The following NCMAP variants were observed in gnomAD, a reference collection of about 807,000 sequenced individuals.
NCMAP encodes non-compact myelin associated protein, also known as noncompact myelin-associated protein.
NCMAP carries 8 observed loss-of-function variants against 7.8 expected under a neutral mutation model. The ratio of observed to expected loss-of-function variants is 1.02; its 90% CI spans 0.60 to 1.84. NCMAP has a LOEUF of 1.84. Among genes scored for constraint, NCMAP ranks in the 40% most tolerant of loss-of-function variants. NCMAP has a pLI of 0.00. For missense variants in NCMAP, 112 were observed against 131.4 expected, an observed-to-expected ratio of 0.85 and a Z score of 0.72; for synonymous variants, 41 against 52.9, an observed-to-expected ratio of 0.78 and a Z score of 0.98.
At chr1:24,559,540 C>T (rs1455147750) in intron 1 of NCMAP, among the ~76,000 whole-genome samples, 1 of 152,162 alleles carries the variant, frequency 6.6e-6, no homozygotes, top group Non-Finnish European at 1.5e-5. Flanking sequence ...GTTTGAAATT[C>T]CCCGAGGTAG....
intron 1 of NCMAP, among the ~76,000 whole-genome samples, chr1:24,586,965 G>A (rs1417871012): frequency 1.3e-5 from 2 of 152,116 alleles, no homozygotes; most frequent in Non-Finnish European, 2.9e-5. Context: ...GCTGAGTATA[G>A]GACATGCTTC....
chr1:24,598,748 G>A (rs960627838), intron 2 of NCMAP, among the ~76,000 whole-genome samples: 5 of 150,822 alleles, frequency 3.3e-5, no homozygotes, highest in African/African-American at 7.3e-5. Flanking sequence ...AGCGATTCTC[G>A]TGCCTCAGCC....
At chr1:24,577,409 T>TTGTTG (rs1557596538) in intron 1 of NCMAP, among the ~76,000 whole-genome samples, 1 of 143,300 alleles carries the variant, frequency 7.0e-6, no homozygotes, top group African/African-American at 2.6e-5. Context: ...TTGTTTTTTT[T>TTGTTG]TTTTTTTTTT....
intron 2 of NCMAP, among the ~76,000 whole-genome samples, chr1:24,597,243 C>T (rs965623852): frequency 1.7e-4 from 26 of 151,784 alleles, no homozygotes; most frequent in Non-Finnish European, 2.2e-4. Flanking sequence ...CAGTGGCCCA[C>T]GCCTGTAATC....
At chr1:24,570,651 C>T (rs565955877) in intron 1 of NCMAP, among the ~76,000 whole-genome samples, 1 of 151,006 alleles carries the variant, frequency 6.6e-6, no homozygotes, top group African/African-American at 2.5e-5. Context: ...ATTCAAATTC[C>T]ACTGCTCCAG....
intron 1 of NCMAP, among the ~76,000 whole-genome samples, chr1:24,579,120 T>G (rs1359400191): frequency 1.3e-5 from 2 of 152,014 alleles, no homozygotes; most frequent in Admixed American, 6.6e-5. Context: ...GCCCTTCTCT[T>G]GCTTCACCCC....
intron 2 of NCMAP, 45 bp from the exon 3 acceptor site, chr1:24,600,895 G>C: frequency 1.9e-6 from 3 of 1,579,540 alleles, no homozygotes; most frequent in Non-Finnish European, 2.6e-6. Flanking sequence ...CCTGGTCTGC[G>C]TTCAGTTTGC....
rs1223239780 is a variant in NCMAP, at chr1:24,597,611, A to AAG, written c.82+2101_82+2102dup. ...AGAAGAAAGAAGAAAGAAAGAAAGA[A>AAG]AGAAAGAGAAAGAAAGAAAGAAAGA... On this transcript the variant is annotated intron_variant, in intron 2 of 3. Coordinates refer to ENST00000374392, the MANE Select transcript of NCMAP (RefSeq NM_001010980.5). Among the ~76,000 whole-genome samples the AAG allele has an allele frequency of 2.5e-3, 226 of 90,146 alleles. 2 individuals are homozygous for AAG. The highest frequency in any genetic ancestry group is 0.011 in the African/African-American group (194 of 17,748). The allele number at this position is 90,146 out of a possible 152,430, so 59.1% of individuals were successfully genotyped here.
At position 24,582,198 on chromosome 1, in the gene NCMAP, C is replaced by T. The variant is rs78752878; in HGVS notation, c.-7-13226C>T. ...ACATCGGATCCACCTCAGTGCCTCC[C>T]GTGGTGCTTGGCCTGTGTGTCTGCG... On this transcript the variant is annotated intron_variant, in intron 1 of 3. Coordinates refer to ENST00000374392, the MANE Select transcript of NCMAP (RefSeq NM_001010980.5). Among the ~76,000 whole-genome samples, 25 of 152,298 alleles carry T rather than the reference C, an allele frequency of 1.6e-4. No individual in the cohort carries two copies. The East Asian group carries it at 2.9e-3, about 18-fold the overall frequency.
chr1:24,561,185 A>AT (rs1651039358), intron 1 of NCMAP, among the ~76,000 whole-genome samples: 1 of 149,728 alleles, frequency 6.7e-6, no homozygotes, highest in African/African-American at 2.5e-5. Flanking sequence ...ATACAAAAAA[A>AT]AAAAAAAAAA....
intron 1 of NCMAP, among the ~76,000 whole-genome samples, chr1:24,582,506 A>C (rs1205186964): frequency 1.3e-5 from 2 of 152,128 alleles, no homozygotes; most frequent in Non-Finnish European, 2.9e-5. Flanking sequence ...AGGGTCACAG[A>C]GAGAGGAAGA....
intron 2 of NCMAP, among the ~76,000 whole-genome samples, chr1:24,600,179 C>T (rs1185172413): frequency 6.6e-6 from 1 of 151,386 alleles, no homozygotes; most frequent in East Asian, 2.0e-4. Context: ...GAGATAGAGT[C>T]TTGCTCTGTC....
intron 1 of NCMAP, among the ~76,000 whole-genome samples, chr1:24,556,628 C>A (rs962931650): frequency 8.5e-5 from 13 of 152,168 alleles, no homozygotes; most frequent in Non-Finnish European, 1.2e-4. Flanking sequence ...GAGATGAAAA[C>A]CCACGGCAGA....
chr1:24,605,351 C>T (rs1570544917), intron 3 of NCMAP, among the ~76,000 whole-genome samples: 1 of 152,028 alleles, frequency 6.6e-6, no homozygotes, highest in South Asian at 2.1e-4. Flanking sequence ...ATATAGCCAC[C>T]TCTGACATCT....
intron 2 of NCMAP, among the ~76,000 whole-genome samples, chr1:24,597,618 A>AGAAG (rs1652286960): frequency 4.2e-5 from 1 of 23,890 alleles, no homozygotes; most frequent in South Asian, 1.8e-3. Context: ...AGAAAGAAAG[A>AGAAG]GAAAGAAAGA....
chr1:24,604,385 G>A (rs1228491849), intron 3 of NCMAP, among the ~76,000 whole-genome samples: 2 of 150,598 alleles, frequency 1.3e-5, no homozygotes, highest in African/African-American at 4.9e-5. Flanking sequence ...GACCAGCCTG[G>A]GCAACATAGT....
intron 1 of NCMAP, among the ~76,000 whole-genome samples, chr1:24,565,547 G>T (rs892548762): frequency 6.6e-6 from 1 of 150,950 alleles, no homozygotes; most frequent in Non-Finnish European, 1.5e-5. Context: ...AAGTGACACT[G>T]GCCATTTTTA....
intron 1 of NCMAP, among the ~76,000 whole-genome samples, chr1:24,577,401 GT>G (rs71577720): frequency 0.016 from 622 of 39,966 alleles, no homozygotes; most frequent in East Asian, 0.035. Context: ...CACTGGCCTT[GT>G]TTTTTTTTTT....
chr1:24,601,138 TAGTAA>T lies in NCMAP; in HGVS notation c.167+116_167+120del, dbSNP rs569598945. Reference sequence around the variant, plus strand: ...GTGCCTGGCAGTATCCCTCAGCCTTTAGTAAATGCTCTAACCCTTGGGGATCCTTT... The same window carrying T: ...GTGCCTGGCAGTATCCCTCAGCCTTTATGCTCTAACCCTTGGGGATCCTTT... On this transcript the variant is annotated intron_variant, in intron 3 of 3. Coordinates refer to ENST00000374392, the MANE Select transcript of NCMAP (RefSeq NM_001010980.5). The T allele has an allele frequency of 1.3e-4, 103 of 792,980 alleles. No individual in the cohort carries two copies. In the East Asian group the frequency reaches 2.4e-3, roughly 18 times the overall value. 49.1% of individuals were successfully genotyped at this position (792,980 alleles called of 1,614,324 possible). A position where few individuals can be genotyped will look rare whatever the true frequency, so the allele number is the denominator to read the frequency against.
Sources: allele counts gnomAD v4.1 joint callset (sites outside exome capture counted in the v4.1 genomes callset), GRCh38; gene constraint gnomAD v4.1.1; transcripts MANE v1.5; gene names NCBI Gene and HGNC (gene_info 2026-07-23, HGNC 2026-07-21).